Variants in NDFIP2 observed in about 807,000 individuals in gnomAD.
The protein encoded by NDFIP2 is NEDD4 family-interacting protein 2.
NDFIP2 carries 19 observed loss-of-function variants against 36.0 expected under a neutral mutation model. That is an observed-to-expected ratio of 0.53 (90% CI 0.37 to 0.77). The LOEUF (loss-of-function observed/expected upper bound fraction) is 0.77. NDFIP2 is among the 30% of genes least tolerant of loss of function. The probability of loss-of-function intolerance (pLI) is 0.00; values close to 1 mark genes in which losing one functional copy is unlikely to be tolerated. For missense variants in NDFIP2, 446 were observed against 435.8 expected (o/e 1.02, Z -0.21); for synonymous variants, 181 against 167.7 (o/e 1.08, Z -0.61).
At chr13:79,515,197 C>T (rs1594849114) in intron 1 of NDFIP2, among the ~76,000 whole-genome samples, 4 of 137,868 alleles carry the variant, frequency 2.9e-5, no homozygotes, top group Admixed American at 1.4e-4. Context: ...AAACATAGAA[C>T]AAGTACAGTA....
chr13:79,550,967 C>T, intron 6 of NDFIP2, 50 bp from the exon 7 acceptor site: 3 of 1,086,586 alleles, frequency 2.8e-6, no homozygotes, highest in Middle Eastern at 5.1e-4. Flanking sequence ...TTTATCTTGC[C>T]CTTTTCTGTA....
chr13:79,482,169 C>CTTTCTTTT (rs1555355649), intron 1 of NDFIP2, among the ~76,000 whole-genome samples: 4 of 75,882 alleles, frequency 5.3e-5, no homozygotes, highest in Admixed American at 1.5e-4. Context: ...TTCTTTCTTT[C>CTTTCTTTT]TTTTTTTTTT....
rs964942752 is a variant in NDFIP2 at position 79,553,104 on chromosome 13, C to G, written c.*591C>G. The G allele has an allele frequency of 1.7e-4, 26 of 151,704 alleles. No homozygotes were observed. The allele number at this position is 151,704 out of a possible 1,614,324, so 9.4% of individuals were successfully genotyped here. A position where few individuals can be genotyped will look rare whatever the true frequency, so the allele number is the denominator to read the frequency against. On this transcript the variant is annotated 3_prime_UTR_variant, in exon 8 of 8. Coordinates refer to ENST00000218652, the MANE Select transcript of NDFIP2 (RefSeq NM_019080.3). ...TCTTCCTGTAAATAACCATGCATAA[C>G]TTACTTTCTGCAATGTTTTCTTAGA...
intron 5 of NDFIP2, among the ~76,000 whole-genome samples, chr13:79,546,272 C>A (rs17071589): frequency 5.1e-4 from 77 of 152,152 alleles, no homozygotes; most frequent in African/African-American, 1.7e-3. Flanking sequence ...ATCTGAGCTG[C>A]GATGAACCTC....
At position 79,554,133 on chromosome 13, in the gene NDFIP2, G is replaced by A. The variant is rs545089815; in HGVS notation, c.*1620G>A. 9.3e-5 allele frequency: 14 copies of A among 151,338 alleles called. No individual in the cohort carries two copies. Among genetic ancestry groups the A allele is most frequent in the South Asian group, 2.1e-4 (1 of 4,808 alleles). 9.4% of individuals were successfully genotyped at this position (151,338 alleles called of 1,614,324 possible). On this transcript the variant is annotated 3_prime_UTR_variant, in exon 8 of 8. Transcript: ENST00000218652. ...TGTCTCATTCAGTTTACTTTCCTGCGTAGAATTTTTATTGTTATATTAAAA... is the reference window on the plus strand; with the variant it reads ...TGTCTCATTCAGTTTACTTTCCTGCATAGAATTTTTATTGTTATATTAAAA...
intron 3 of NDFIP2, among the ~76,000 whole-genome samples, chr13:79,535,415 C>G (rs1324735893): frequency 6.6e-6 from 1 of 152,126 alleles, no homozygotes; most frequent in African/African-American, 2.4e-5. Context: ...TATTACTGTT[C>G]CATTCCCTCA....
At chr13:79,532,247 A>G (rs1011460775) in intron 2 of NDFIP2, among the ~76,000 whole-genome samples, 1 of 152,240 alleles carries the variant, frequency 6.6e-6, no homozygotes, top group Non-Finnish European at 1.5e-5. Context: ...TCAATGTGGA[A>G]TTGCCGCCGC....
chr13:79,509,690 T>TATATAG (rs113326163), intron 1 of NDFIP2, among the ~76,000 whole-genome samples: 31 of 147,920 alleles, frequency 2.1e-4, no homozygotes, highest in African/African-American at 7.3e-4. Flanking sequence ...TATATATATA[T>TATATAG]AGAGAGAGAG....
At chr13:79,550,866 A>G (rs1467566455) in intron 6 of NDFIP2, 151 bp from the exon 7 acceptor site, 3 of 482,172 alleles carry the variant, frequency 6.2e-6, no homozygotes, top group African/African-American at 2.0e-5. Flanking sequence ...GTTTATCCTT[A>G]TAGTGTAAAA....
rs537845671 is a variant in NDFIP2, at chr13:79,534,150, C to G, written c.621+694C>G. On this transcript the variant is annotated intron_variant, in intron 3 of 7. Coordinates refer to ENST00000218652, the MANE Select transcript of NDFIP2 (RefSeq NM_019080.3). ...TCTCTTTGCCTGGACCTCAAGTCCACTGACCTCTTTGCTGTCCATGTACTT... is the reference window on the plus strand; with the variant it reads ...TCTCTTTGCCTGGACCTCAAGTCCAGTGACCTCTTTGCTGTCCATGTACTT... 2.6e-5 allele frequency among the ~76,000 whole-genome samples: 4 copies of G among 152,302 alleles called. No individual in the cohort carries two copies. In the East Asian group the frequency reaches 7.7e-4, roughly 29 times the overall value.
intron 1 of NDFIP2, among the ~76,000 whole-genome samples, chr13:79,490,071 G>T (rs1805323426): frequency 1.3e-5 from 2 of 152,142 alleles, no homozygotes; most frequent in Admixed American, 1.3e-4. Flanking sequence ...ATAGGCAAGA[G>T]GCCACCCTCT....
chr13:79,526,374 G>T (rs1874796653), intron 2 of NDFIP2, among the ~76,000 whole-genome samples: 1 of 152,200 alleles, frequency 6.6e-6, no homozygotes, highest in Non-Finnish European at 1.5e-5. Context: ...ATTCAGAGGA[G>T]AGGTTTGGGC....
chr13:79,512,733 G>A (rs1051844696), intron 1 of NDFIP2, among the ~76,000 whole-genome samples: 9 of 152,148 alleles, frequency 5.9e-5, no homozygotes, highest in Admixed American at 5.9e-4. Flanking sequence ...GGATTCTTTG[G>A]TTGTGGGGAT....
At chr13:79,487,322 A>G (rs73551537) in intron 1 of NDFIP2, among the ~76,000 whole-genome samples, 6,544 of 152,236 alleles carry the variant, frequency 0.043, 486 homozygotes, top group African/African-American at 0.15. Context: ...AGTTTTTTAG[A>G]TTGATCCATG....
chr13:79,515,539 A>G (rs1874264448), intron 1 of NDFIP2, among the ~76,000 whole-genome samples: 1 of 152,240 alleles, frequency 6.6e-6, no homozygotes, highest in African/African-American at 2.4e-5. Flanking sequence ...TAGAGACAGC[A>G]GAGGTTTAGT....
chr13:79,508,666 G>C (rs1873961222), intron 1 of NDFIP2, among the ~76,000 whole-genome samples: 1 of 152,128 alleles, frequency 6.6e-6, no homozygotes, highest in African/African-American at 2.4e-5. Context: ...ACTGCAGACT[G>C]TTTTATTAAC....
chr13:79,508,131 T>A (rs902833833), intron 1 of NDFIP2, among the ~76,000 whole-genome samples: 3 of 152,350 alleles, frequency 2.0e-5, no homozygotes, highest in African/African-American at 7.2e-5. Flanking sequence ...AATCATGGGA[T>A]AATAGTTATT....
At chr13:79,496,604 G>T (rs948382513) in intron 1 of NDFIP2, among the ~76,000 whole-genome samples, 3 of 151,614 alleles carry the variant, frequency 2.0e-5, no homozygotes, top group African/African-American at 7.3e-5. Flanking sequence ...AGGAATTATG[G>T]CCATTATTTC....
In NDFIP2 at chr13:79,489,167, A is replaced by G. The variant is rs538030117; in HGVS notation, c.321+7643A>G. Among the ~76,000 whole-genome samples the G allele has an allele frequency of 2.0e-4, 30 of 152,146 alleles. No individual in the cohort carries two copies. In the South Asian group the frequency reaches 2.5e-3, roughly 13 times the overall value. On this transcript the variant is annotated intron_variant, in intron 1 of 7. Transcript: ENST00000218652. ...GTGTGATCAGGAGATTGTTGATTCT[A>G]CTCCACATAGTGTTAGCTAGGACTG... is the stretch of plus-strand genomic sequence containing the variant.
Sources: gnomAD v4.1 joint callset for allele counts (sites outside exome capture counted in the v4.1 genomes callset) on GRCh38, gnomAD v4.1.1 for gene constraint, MANE v1.5 for transcripts, NCBI Gene and HGNC (gene_info 2026-07-23, HGNC 2026-07-21) for gene names.